Variants in COL9A1 observed in about 807,000 individuals in gnomAD.
The protein encoded by COL9A1 is collagen type IX alpha 1 chain, also known as collagen alpha-1(IX) chain.
Under a neutral mutation model 142.6 loss-of-function variants are expected in COL9A1, and 104 were observed. That is an observed-to-expected ratio of 0.73 (90% confidence interval 0.62 to 0.86). The LOEUF (loss-of-function observed/expected upper bound fraction) is 0.86. Among genes scored for constraint, COL9A1 ranks in the 40% least tolerant of loss-of-function variants. The probability of loss-of-function intolerance (pLI) is 0.00; values close to 1 mark genes in which losing one functional copy is unlikely to be tolerated. For synonymous variants in COL9A1, 466 were observed against 396.0 expected (o/e 1.18, Z -2.10); for missense variants, 1,210 against 1,176.6 (o/e 1.03, Z -0.42).
chr6:70,235,004 CAT>C, intron 33 of COL9A1, 64 bp from the exon 34 acceptor site: 1 of 1,601,874 alleles, frequency 6.2e-7, no homozygotes, highest in Non-Finnish European at 8.5e-7. Context: ...GCTTCATACT[CAT>C]ATAAACACTT....
At position 70,266,014 on chromosome 6, in the gene COL9A1, A is replaced by G. The variant is rs143070311; in HGVS notation, c.1341+703T>C. ...GAACAACTTAACTTTGTAAAATATT[A>G]TCAAATTTACCAAGAGAAAACCTAC... is the stretch of plus-strand genomic sequence containing the variant. On this transcript the variant is annotated intron_variant, in intron 18 of 37. Coordinates refer to ENST00000357250, the MANE Select transcript of COL9A1 (RefSeq NM_001851.6). Among the ~76,000 whole-genome samples, 316 of 152,302 alleles carry G rather than the reference A, an allele frequency of 2.1e-3. 3 individuals are homozygous for G. Among genetic ancestry groups the G allele is most frequent in the African/African-American group, 7.4e-3 (308 of 41,582 alleles).
At chr6:70,280,417 T>C in intron 10 of COL9A1, 1 of 1,195,910 alleles carries the variant, frequency 8.4e-7, no homozygotes, top group Non-Finnish European at 1.0e-6. Flanking sequence ...GGGCGAAGGC[T>C]AGCTTCCAGG....
chr6:70,277,942 C>T (rs1393255077), intron 10 of COL9A1, among the ~76,000 whole-genome samples: 1 of 152,138 alleles, frequency 6.6e-6, no homozygotes, highest in African/African-American at 2.4e-5. Flanking sequence ...CCCCTATGGC[C>T]AAGGACAAAC....
chr6:70,230,378 A>T (rs35796471), intron 36 of COL9A1, among the ~76,000 whole-genome samples: 33,410 of 152,102 alleles, frequency 0.22, 3,953 homozygotes, highest in Non-Finnish European at 0.27. Flanking sequence ...GAGAAGATAC[A>T]GCTTTAAAGG....
chr6:70,259,749 GTCT>G (rs1771552341), intron 20 of COL9A1, among the ~76,000 whole-genome samples: 2 of 151,978 alleles, frequency 1.3e-5, no homozygotes, highest in Non-Finnish European at 2.9e-5. Context: ...CTACTTATTT[GTCT>G]TGCCCAATAA....
intron 14 of COL9A1, 135 bp downstream of exon 14, chr6:70,271,520 T>C: frequency 1.3e-6 from 1 of 757,490 alleles, no homozygotes; most frequent in Non-Finnish European, 2.4e-6. Context: ...CACATCAATA[T>C]TATAAACTGG....
In COL9A1 at chr6:70,274,761, T is replaced by G. The variant is rs1562319843; in HGVS notation, c.987A>C (p.Gly329=). The change falls in exon 11 of 38, where the codon GGA becomes GGC. Residue 329 remains glycine, a synonymous_variant. Coordinates refer to ENST00000357250, the MANE Select transcript of COL9A1 (RefSeq NM_001851.6). The part of the protein sequence containing the change: ...PGTPGADGLT[G]PDGSPGSIGS... ...CAATGGAGCCAGGGGATCCATCAGG[T>G]CCTGTTAATCCCTAATAGAGCAAGA... The G allele has an allele frequency of 6.2e-7, 1 of 1,612,542 alleles. No homozygotes were observed. The highest frequency in any genetic ancestry group is 8.5e-7 in the Non-Finnish European group (1 of 1,178,696).
intron 5 of COL9A1, among the ~76,000 whole-genome samples, chr6:70,285,264 C>T (rs1248632895): frequency 1.3e-5 from 2 of 152,198 alleles, no homozygotes; most frequent in Non-Finnish European, 2.9e-5. Context: ...CAGAGTGCCA[C>T]ATAGATCAAG....
At chr6:70,289,486 A>G (rs1373842803) in intron 5 of COL9A1, among the ~76,000 whole-genome samples, 1 of 152,086 alleles carries the variant, frequency 6.6e-6, no homozygotes, top group East Asian at 1.9e-4. Flanking sequence ...ATTGCCACCT[A>G]GTGGAAAATC....
In COL9A1 at chr6:70,273,583, C is replaced by A. The variant is rs567713733; in HGVS notation, c.1065+464G>T. On this transcript the variant is annotated intron_variant, in intron 12 of 37. Coordinates refer to ENST00000357250, the MANE Select transcript of COL9A1 (RefSeq NM_001851.6). ...AATAACACACACCTGCCATATTGTGCAAATGCAGAAAAAGACTAGCCAAGG... is the reference window on the plus strand; with the variant it reads ...AATAACACACACCTGCCATATTGTGAAAATGCAGAAAAAGACTAGCCAAGG... Among the ~76,000 whole-genome samples, 344 of 152,192 alleles carry A rather than the reference C, an allele frequency of 2.3e-3. 3 individuals carry two copies. The highest frequency in any genetic ancestry group is 7.6e-3 in the African/African-American group (316 of 41,546).
Position 70,272,082 on chromosome 6 carries a change from C to T in COL9A1, c.1072G>A (p.Gly358Ser), listed in dbSNP as rs745459784. Residue 358 changes from glycine (G) to serine (S), a missense_variant, in exon 13 of 38, where the codon GGT (glycine) becomes AGT (serine). Gly to Ser is a moderately conservative substitution (Grantham distance 56, BLOSUM62 0). Transcript: ENST00000357250. ...VPGSRGFPGR[G>S]IPGPPGPPGT... ...ATACTTACAGGGGGTCCAGGAATACCACGGCCCTAAAAGAGTACAATAAAA... is the reference window on the plus strand; with the variant it reads ...ATACTTACAGGGGGTCCAGGAATACTACGGCCCTAAAAGAGTACAATAAAA... 6.8e-6 allele frequency: 11 copies of T among 1,611,538 alleles called. No homozygotes were observed. The highest frequency in any genetic ancestry group is 5.4e-5 in the African/African-American group (4 of 74,696).
intron 18 of COL9A1, among the ~76,000 whole-genome samples, chr6:70,265,658 C>T (rs553807533): frequency 4.9e-4 from 74 of 151,804 alleles, no homozygotes; most frequent in African/African-American, 1.7e-3. Context: ...GGTTTTTTTC[C>T]TATTTTCTCC....
rs775466585 is a variant in COL9A1 at position 70,232,687 on chromosome 6, G to C, written c.2399C>G (p.Pro800Arg). ...ACCATTCTCTCCAGGAGGGCCGGGG[G>C]GACCAGGAGGGCCAGGCCTTCCAGG... ...GLPGRPGPPG[P>R]PGPPGENGFP... Residue 800 changes from proline (P) to arginine (R), a missense_variant, in exon 36 of 38, where the codon CCC (proline) becomes CGC (arginine). Pro to Arg is a moderately radical substitution (Grantham distance 103, BLOSUM62 -2). Transcript: ENST00000357250. 10 of 1,613,884 alleles carry C rather than the reference G, an allele frequency of 6.2e-6. No individual in the cohort carries two copies. In the South Asian group the frequency reaches 1.1e-4, roughly 18 times the overall value.
chr6:70,301,851 C>A lies in COL9A1; in HGVS notation c.88+150G>T, dbSNP rs9455036. 67,844 of 692,662 alleles carry A rather than the reference C, an allele frequency of 0.098. 5,280 individuals are homozygous for A. Among genetic ancestry groups the A allele is most frequent in the East Asian group, 0.26 (9,506 of 36,830 alleles). The allele number at this position is 692,662 out of a possible 1,614,324, so 42.9% of individuals were successfully genotyped here. A position where few individuals can be genotyped will look rare whatever the true frequency, so the allele number is the denominator to read the frequency against. The stretch of plus-strand genomic sequence containing the variant: ...CAGCATTGACCATGGAAAACCAGAA[C>A]CTAATGTATCCCTGTGCCCCAAAGC... On this transcript the variant is annotated intron_variant, in intron 2 of 37. Coordinates refer to ENST00000357250, the MANE Select transcript of COL9A1 (RefSeq NM_001851.6).
chr6:70,284,568 A>T (rs1427732174), intron 5 of COL9A1, among the ~76,000 whole-genome samples: 1 of 152,232 alleles, frequency 6.6e-6, no homozygotes, highest in Non-Finnish European at 1.5e-5. Context: ...GTGTTACAGG[A>T]TAAAAAAGAG....
intron 13 of COL9A1, 123 bp from the exon 14 acceptor site, chr6:70,271,831 C>T (rs2127590904): frequency 9.4e-7 from 1 of 1,065,600 alleles, no homozygotes; most frequent in South Asian, 1.5e-5. Flanking sequence ...TCCAATGACA[C>T]AATAACTCAT....
chr6:70,257,048 ATTTTTTT>A (rs542296705), intron 20 of COL9A1, among the ~76,000 whole-genome samples: 10 of 105,046 alleles, frequency 9.5e-5, no homozygotes, highest in South Asian at 3.2e-4. Context: ...CCACTCTGTA[ATTTTTTT>A]TTTTTTTTTT....
chr6:70,248,411 T>G (rs1770731412), intron 28 of COL9A1, among the ~76,000 whole-genome samples: 1 of 152,228 alleles, frequency 6.6e-6, no homozygotes, highest in Admixed American at 6.5e-5. Flanking sequence ...GAAATGTGTG[T>G]CCATGTCTTC....
chr6:70,271,169 A>C (rs1772374869), intron 14 of COL9A1, among the ~76,000 whole-genome samples: 1 of 152,194 alleles, frequency 6.6e-6, no homozygotes. Flanking sequence ...TCACTATGTC[A>C]ACGTTTTTGA....
Sources: gnomAD v4.1 joint callset for allele counts (sites outside exome capture counted in the v4.1 genomes callset) on GRCh38, gnomAD v4.1.1 for gene constraint, MANE v1.5 for transcripts, NCBI Gene and HGNC (gene_info 2026-07-23, HGNC 2026-07-21) for gene names.